The following CAMKMT variants were observed in gnomAD, a reference collection of about 807,000 sequenced individuals.
CAMKMT encodes calmodulin-lysine N-methyltransferase.
A neutral mutation model predicts 48.0 loss-of-function variants in CAMKMT; 53 were observed. The observed-to-expected ratio is 1.10, with a 90% CI of 0.89 to 1.39. CAMKMT has a LOEUF of 1.39. Among genes scored for constraint, CAMKMT ranks in the 40% most tolerant of loss-of-function variants. The pLI, the probability that CAMKMT is intolerant of heterozygous loss-of-function variation, is 0.00. For missense variants in CAMKMT, 428 were observed against 402.7 expected (o/e 1.06, Z -0.54); for synonymous variants, 165 against 152.3 (o/e 1.08, Z -0.61).
intron 3 of CAMKMT, among the ~76,000 whole-genome samples, chr2:44,443,396 A>G (rs1370195842): frequency 6.6e-6 from 1 of 152,162 alleles, no homozygotes; most frequent in Admixed American, 6.5e-5. Context: ...TGAAAAAATT[A>G]CTATTAATAT....
intron 3 of CAMKMT, chr2:44,549,523 T>G (rs1368343537): frequency 1.4e-6 from 1 of 693,870 alleles, no homozygotes; most frequent in Non-Finnish European, 2.6e-6. Flanking sequence ...CAACCTAAAA[T>G]GTATATATAA....
intron 3 of CAMKMT, among the ~76,000 whole-genome samples, chr2:44,499,013 A>G (rs991749162): frequency 6.6e-6 from 1 of 152,182 alleles, no homozygotes; most frequent in Non-Finnish European, 1.5e-5. Context: ...AAAAATATAG[A>G]TGATATTTGC....
chr2:44,675,091 A>T (rs1675604304), intron 3 of CAMKMT, among the ~76,000 whole-genome samples: 1 of 152,072 alleles, frequency 6.6e-6, no homozygotes, highest in Non-Finnish European at 1.5e-5. Flanking sequence ...GGGGGAAAAA[A>T]AAAAAGGCAA....
chr2:44,730,069 G>A (rs1409889257), intron 7 of CAMKMT, among the ~76,000 whole-genome samples: 4 of 152,176 alleles, frequency 2.6e-5, no homozygotes, highest in African/African-American at 9.6e-5. Context: ...TAGACAAGAG[G>A]AAAGGAGAAA....
At chr2:44,709,161 T>C (rs1677734487) in intron 6 of CAMKMT, among the ~76,000 whole-genome samples, 1 of 152,168 alleles carries the variant, frequency 6.6e-6, no homozygotes. Flanking sequence ...TCTGCCGGCC[T>C]TTCAAAGAAA....
intron 3 of CAMKMT, among the ~76,000 whole-genome samples, chr2:44,391,685 G>A (rs1037251362): frequency 3.3e-5 from 5 of 152,200 alleles, no homozygotes; most frequent in Non-Finnish European, 7.4e-5. Flanking sequence ...ATGAAATAGG[G>A]CCACTAGCTG....
chr2:44,625,210 C>A (rs865921989), intron 3 of CAMKMT, among the ~76,000 whole-genome samples: 1 of 152,114 alleles, frequency 6.6e-6, no homozygotes, highest in African/African-American at 2.4e-5. Context: ...GTAATAGTAT[C>A]TTATTGTGAT....
intron 3 of CAMKMT, among the ~76,000 whole-genome samples, chr2:44,696,491 G>A (rs1676958109): frequency 6.6e-6 from 1 of 152,164 alleles, no homozygotes; most frequent in South Asian, 2.1e-4. Context: ...CCCCATTTCA[G>A]GTGACTGGGC....
intron 3 of CAMKMT, among the ~76,000 whole-genome samples, chr2:44,677,213 C>G (rs868701881): frequency 2.6e-5 from 4 of 152,250 alleles, no homozygotes; most frequent in Middle Eastern, 6.8e-3. Flanking sequence ...TGATTAAGAG[C>G]AGTCGGAGGG....
chr2:44,745,179 C>A (rs1472355921), intron 8 of CAMKMT, among the ~76,000 whole-genome samples: 1 of 152,152 alleles, frequency 6.6e-6, no homozygotes, highest in African/African-American at 2.4e-5. Context: ...CTTCCTGAAG[C>A]TTTAGACAAG....
In CAMKMT at chr2:44,754,244, CT is replaced by C. The variant is rs1680275767; in HGVS notation, c.762+128del. 7.1e-6 allele frequency: 5 copies of C among 705,300 alleles called. No homozygotes were observed. The East Asian group carries it at 1.1e-4, about 15-fold the overall frequency. The allele number at this position is 705,300 out of a possible 1,614,324, so 43.7% of individuals were successfully genotyped here. On this transcript the variant is annotated intron_variant, in intron 9 of 10. Coordinates refer to ENST00000378494, the MANE Select transcript of CAMKMT (RefSeq NM_024766.5). ...ATACTTTAATACTTATTATGTCCAA[CT>C]TCAATTGGGTCTTCTGATCTATTAG...
At chr2:44,459,076 C>A (rs1393937815) in intron 3 of CAMKMT, among the ~76,000 whole-genome samples, 1 of 151,632 alleles carries the variant, frequency 6.6e-6, no homozygotes, top group East Asian at 1.9e-4. Context: ...GCCAGCTGCT[C>A]TACCTCTGTA....
chr2:44,769,701 T>A (rs1007606125), intron 10 of CAMKMT, among the ~76,000 whole-genome samples: 1 of 152,214 alleles, frequency 6.6e-6, no homozygotes, highest in Non-Finnish European at 1.5e-5. Context: ...TATTTTTCTG[T>A]ATTTTTGTAC....
At chr2:44,392,390 G>A (rs1383078791) in intron 3 of CAMKMT, among the ~76,000 whole-genome samples, 1 of 151,956 alleles carries the variant, frequency 6.6e-6, no homozygotes, top group African/African-American at 2.4e-5. Flanking sequence ...AATTGGTAAA[G>A]TCCTGTTCCA....
chr2:44,389,053 C>T (rs192898655), intron 2 of CAMKMT, among the ~76,000 whole-genome samples: 169 of 152,134 alleles, frequency 1.1e-3, no homozygotes, highest in African/African-American at 3.8e-3. Flanking sequence ...TGGTGGTGGG[C>T]GGGGCCCTAG....
intron 3 of CAMKMT, among the ~76,000 whole-genome samples, chr2:44,504,660 T>C (rs540192312): frequency 6.6e-6 from 1 of 152,316 alleles, no homozygotes; most frequent in Non-Finnish European, 1.5e-5. Flanking sequence ...TTAGCCATTT[T>C]AATAGATGTA....
chr2:44,481,138 T>C (rs993884288), intron 3 of CAMKMT, among the ~76,000 whole-genome samples: 5 of 152,138 alleles, frequency 3.3e-5, no homozygotes, highest in Non-Finnish European at 7.4e-5. Flanking sequence ...AACAGAATTA[T>C]ATAAGCAAAA....
At chr2:44,504,831 A>G (rs1670179662) in intron 3 of CAMKMT, among the ~76,000 whole-genome samples, 1 of 152,122 alleles carries the variant, frequency 6.6e-6, no homozygotes, top group African/African-American at 2.4e-5. Context: ...GCTATGAAGG[A>G]ATATCTGAAG....
chr2:44,480,055 C>T (rs575273499), intron 3 of CAMKMT, among the ~76,000 whole-genome samples: 2 of 152,278 alleles, frequency 1.3e-5, no homozygotes, highest in African/African-American at 4.8e-5. Flanking sequence ...GCATAATTTT[C>T]TCCATGTTCA....
Sources: gnomAD v4.1 joint callset for allele counts (sites outside exome capture counted in the v4.1 genomes callset) on GRCh38, gnomAD v4.1.1 for gene constraint, MANE v1.5 for transcripts, NCBI Gene and HGNC (gene_info 2026-07-23, HGNC 2026-07-21) for gene names.